ENOX2: variants seen among roughly 807,000 people sequenced by gnomAD.
ENOX2 encodes ecto-NOX disulfide-thiol exchanger 2, also known as APK1 antigen.
A neutral mutation model predicts 45.0 loss-of-function variants in ENOX2; 36 were observed. The ratio of observed to expected loss-of-function variants is 0.80; its 90% CI spans 0.61 to 1.06. ENOX2 has a LOEUF of 1.06. ENOX2 is among the 50% of genes least tolerant of loss of function. The pLI is 0.00. For missense variants in ENOX2, 423 were observed against 462.5 expected (o/e 0.91, Z 0.78); for synonymous variants, 174 against 152.3 (o/e 1.14, Z -1.05).
At chrX:130,701,383 A>G (rs997922851) in intron 4 of ENOX2, among the ~76,000 whole-genome samples, 2 of 111,077 alleles carry the variant, frequency 1.8e-5, no homozygotes, top group Non-Finnish European at 3.8e-5. Flanking sequence ...AAATATATAA[A>G]ACAATATATA....
chrX:130,667,500 C>A, intron 8 of ENOX2, 30 bp downstream of exon 8: 3 of 1,165,238 alleles, frequency 2.6e-6, no homozygotes, highest in Non-Finnish European at 3.5e-6. Flanking sequence ...GACTTATTCT[C>A]ATTCCAGCAG....
intron 6 of ENOX2, among the ~76,000 whole-genome samples, chrX:130,674,776 A>G (rs1179992570): frequency 1.4e-5 from 1 of 70,830 alleles, no homozygotes; most frequent in Non-Finnish European, 2.7e-5. Flanking sequence ...CCCTCCCCCA[A>G]CCCCACAACA....
intron 10 of ENOX2, among the ~76,000 whole-genome samples, chrX:130,637,701 T>C (rs2035968095): frequency 8.9e-6 from 1 of 111,892 alleles, no homozygotes; most frequent in Non-Finnish European, 1.9e-5. Context: ...AGCCCTATAA[T>C]AATAATATAG....
chrX:130,829,267 T>C (rs1464542347), intron 2 of ENOX2, among the ~76,000 whole-genome samples: 1 of 111,836 alleles, frequency 8.9e-6, no homozygotes, highest in Non-Finnish European at 1.9e-5. Flanking sequence ...GCCCATTACA[T>C]GCCAAGCCCT....
intron 2 of ENOX2, among the ~76,000 whole-genome samples, chrX:130,894,270 T>C (rs2079023794): frequency 9.1e-6 from 1 of 110,337 alleles, no homozygotes; most frequent in South Asian, 3.9e-4. Context: ...GTATTTCTGG[T>C]TCTAGATCCT....
At chrX:130,638,035 C>T (rs1286832117) in intron 10 of ENOX2, among the ~76,000 whole-genome samples, 2 of 109,408 alleles carry the variant, frequency 1.8e-5, no homozygotes, top group Non-Finnish European at 3.8e-5. Context: ...AATATGCAAT[C>T]GCATTTCAAG....
intron 2 of ENOX2, among the ~76,000 whole-genome samples, chrX:130,857,250 G>C (rs1301621524): frequency 8.9e-6 from 1 of 112,572 alleles, no homozygotes; most frequent in East Asian, 2.8e-4. Context: ...TTGAAACTTA[G>C]TAACAGACAA....
chrX:130,884,258 A>G (rs1383156565), intron 2 of ENOX2, among the ~76,000 whole-genome samples: 1 of 112,582 alleles, frequency 8.9e-6, no homozygotes, highest in African/African-American at 3.2e-5. Flanking sequence ...ACATGTTAAA[A>G]TATAAAGATA....
chrX:130,707,205 A>T (rs886314071), intron 3 of ENOX2, among the ~76,000 whole-genome samples: 3 of 111,455 alleles, frequency 2.7e-5, no homozygotes, highest in Non-Finnish European at 5.7e-5. Flanking sequence ...TACCTACCCC[A>T]AGTCTGAAGA....
In ENOX2 at chrX:130,622,976, C is replaced by T. The variant is rs1044449228; in HGVS notation, c.*2338G>A. ...GGCAGTCTCGAAGCAGAATTCCCTCCTCAGGGGACTTCAGTCTTTTCTCTT... is the reference window on the plus strand; with the variant it reads ...GGCAGTCTCGAAGCAGAATTCCCTCTTCAGGGGACTTCAGTCTTTTCTCTT... On this transcript the variant is annotated 3_prime_UTR_variant, in exon 15 of 15. Coordinates refer to ENST00000394363, the MANE Select transcript of ENOX2 (RefSeq NM_006375.4). Among the ~76,000 whole-genome samples, 2 of 111,444 alleles carry T rather than the reference C, an allele frequency of 1.8e-5. No individual in the cohort carries two copies. Among genetic ancestry groups the T allele is most frequent in the Admixed American group, 9.6e-5 (1 of 10,420 alleles).
At chrX:130,655,247 G>A (rs745503627) in intron 10 of ENOX2, among the ~76,000 whole-genome samples, 14 of 112,386 alleles carry the variant, frequency 1.2e-4, no homozygotes, top group Admixed American at 1.0e-3. Context: ...ATTCAATATA[G>A]ATAGCAGTTT....
At chrX:130,657,970 A>G (rs758797316) in intron 9 of ENOX2, among the ~76,000 whole-genome samples, 19 of 112,093 alleles carry the variant, frequency 1.7e-4, no homozygotes, top group Non-Finnish European at 3.2e-4. Flanking sequence ...AATGAATGAA[A>G]AGATAGAAAA....
intron 4 of ENOX2, among the ~76,000 whole-genome samples, chrX:130,694,394 T>C (rs2037695473): frequency 9.0e-6 from 1 of 110,943 alleles, no homozygotes; most frequent in African/African-American, 3.3e-5. Flanking sequence ...ACTACACTGT[T>C]GCTATATGGA....
chrX:130,773,361 T>C (rs2039784185), intron 3 of ENOX2, among the ~76,000 whole-genome samples: 1 of 111,946 alleles, frequency 8.9e-6, no homozygotes, highest in African/African-American at 3.2e-5. Flanking sequence ...CTTTCAAATC[T>C]GCTTATACTA....
At chrX:130,797,855 T>C (rs1288740903) in intron 2 of ENOX2, among the ~76,000 whole-genome samples, 1 of 111,178 alleles carries the variant, frequency 9.0e-6, no homozygotes, top group Non-Finnish European at 1.9e-5. Flanking sequence ...CCATGTTCTG[T>C]GTGTGTGTGT....
At chrX:130,675,216 T>C (rs1343895831) in intron 6 of ENOX2, among the ~76,000 whole-genome samples, 1 of 111,890 alleles carries the variant, frequency 8.9e-6, no homozygotes, top group African/African-American at 3.3e-5. Context: ...ATGGTTGAAC[T>C]AGTTTACAGT....
intron 2 of ENOX2, among the ~76,000 whole-genome samples, chrX:130,784,320 C>T (rs2076936230): frequency 9.0e-6 from 1 of 111,467 alleles, no homozygotes; most frequent in Non-Finnish European, 1.9e-5. Context: ...TTACTCGTCA[C>T]TGCTGCACCA....
chrX:130,812,780 T>C (rs1270238525), intron 2 of ENOX2, among the ~76,000 whole-genome samples: 5 of 111,772 alleles, frequency 4.5e-5, no homozygotes, highest in African/African-American at 1.6e-4. Flanking sequence ...TTCACAGACA[T>C]TTTTTACAAA....
intron 2 of ENOX2, among the ~76,000 whole-genome samples, chrX:130,789,243 A>G (rs1330381435): frequency 8.9e-6 from 1 of 112,544 alleles, no homozygotes; most frequent in Non-Finnish European, 1.9e-5. Context: ...GGAAAGCACT[A>G]AAGAATTTTC....
Sources: gnomAD v4.1 joint callset for allele counts (sites outside exome capture counted in the v4.1 genomes callset) on GRCh38, gnomAD v4.1.1 for gene constraint, MANE v1.5 for transcripts, NCBI Gene and HGNC (gene_info 2026-07-23, HGNC 2026-07-21) for gene names.